ZNF514: variants seen among roughly 807,000 people sequenced by gnomAD.
ZNF514 encodes the protein zinc finger protein 514.
ZNF514 carries 12 observed loss-of-function variants against 9.7 expected under a neutral mutation model. That is an observed-to-expected ratio of 1.24 (90% CI 0.79 to 2.01). The LOEUF (loss-of-function observed/expected upper bound fraction) is 2.01. Among genes scored for constraint, ZNF514 ranks in the 30% most tolerant of loss-of-function variants. The pLI is 0.00. For missense variants in ZNF514, 467 were observed against 465.5 expected, an observed-to-expected ratio of 1.00 and a Z score of -0.03; for synonymous variants, 158 against 163.7, an observed-to-expected ratio of 0.97 and a Z score of 0.27.
At chr2:95,139,003 G>A in the ZNF514 span, among the ~76,000 whole-genome samples, 1 of 152,220 alleles carries the variant, frequency 6.6e-6, no homozygotes, top group Non-Finnish European at 1.5e-5. Context: ...GTTCAAAGGG[G>A]CTCAGGTACA....
intron 2 of ZNF514, among the ~76,000 whole-genome samples, chr2:95,155,959 A>G (rs956038751): frequency 6.6e-6 from 1 of 152,218 alleles, no homozygotes; most frequent in African/African-American, 2.4e-5. Context: ...GGTGTGGAGC[A>G]GAGTCACAGT....
At chr2:95,129,722 T>C in the ZNF514 span, among the ~76,000 whole-genome samples, 4 of 152,122 alleles carry the variant, frequency 2.6e-5, no homozygotes, top group East Asian at 3.9e-4. Flanking sequence ...CCCCCACCCA[T>C]TGCCTGGGAG....
At chr2:95,152,387 G>C (rs1403359245) in intron 4 of ZNF514, among the ~76,000 whole-genome samples, 1 of 151,918 alleles carries the variant, frequency 6.6e-6, no homozygotes, top group African/African-American at 2.4e-5. Context: ...TACGATTGTT[G>C]ATCCATCTAA....
the ZNF514 span, among the ~76,000 whole-genome samples, chr2:95,135,272 A>G: frequency 6.6e-6 from 1 of 151,986 alleles, no homozygotes. Flanking sequence ...TTCTTTCAAC[A>G]GTGTCATGTA....
At chr2:95,153,776 T>C (rs958495120) in intron 2 of ZNF514, 6 of 152,362 alleles carry the variant, frequency 3.9e-5, no homozygotes, top group Non-Finnish European at 8.8e-5. Flanking sequence ...TTATAAAGCA[T>C]AATTATTCTA....
In ZNF514 at chr2:95,146,062, ATGT is replaced by A. The variant is rs1156866731; in HGVS notation, c.*3217_*3219del. 2.0e-5 allele frequency among the ~76,000 whole-genome samples: 3 copies of A among 152,304 alleles called. No individual in the cohort carries two copies. Among genetic ancestry groups the A allele is most frequent in the East Asian group, 3.9e-4 (2 of 5,186 alleles). On this transcript the variant is annotated 3_prime_UTR_variant, in exon 5 of 5. Transcript: ENST00000295208. Reference sequence around the variant, plus strand: ...TTGATTTCTCTCAGGACTTACTGTCATGTTGTTATTGCTACAAAGAGTCTGTTT... The same window carrying A: ...TTGATTTCTCTCAGGACTTACTGTCATGTTATTGCTACAAAGAGTCTGTTT...
chr2:95,124,875 A>T, the ZNF514 span, among the ~76,000 whole-genome samples: 1 of 150,032 alleles, frequency 6.7e-6, no homozygotes, highest in African/African-American at 2.5e-5. Flanking sequence ...GATATTTAGA[A>T]ATTTTATTTT....
rs1264086485 is a variant in ZNF514 at position 95,146,155 on chromosome 2, A to G, written c.*3127T>C. On this transcript the variant is annotated 3_prime_UTR_variant, in exon 5 of 5. Transcript: ENST00000295208. The stretch of plus-strand genomic sequence containing the variant: ...TCAACTGTGCCTACAGGTCACTCAT[A>G]TTTATCTCAGAATAAATCTCTTAAA... Among the ~76,000 whole-genome samples, 1 of 152,314 alleles carries G rather than the reference A, an allele frequency of 6.6e-6. No homozygotes were observed. The highest frequency in any genetic ancestry group is 1.9e-4 in the East Asian group (1 of 5,194).
Position 95,149,109 on chromosome 2 carries a change from G to C in ZNF514, c.*173C>G. The C allele has an allele frequency of 1.3e-6, 1 of 778,274 alleles. No homozygotes were observed. 48.2% of individuals were successfully genotyped at this position (778,274 alleles called of 1,614,324 possible). A position where few individuals can be genotyped will look rare whatever the true frequency, so the allele number is the denominator to read the frequency against. On this transcript the variant is annotated 3_prime_UTR_variant, in exon 5 of 5. Coordinates refer to ENST00000295208, the MANE Select transcript of ZNF514 (RefSeq NM_032788.3). ...TCCCATGTTTGGTAAGAGAGGGGAA[G>C]CCCACCCCCTCTTGACATTGACAGG...
At chr2:95,140,203 A>G (rs906178350), downstream of ZNF514, among the ~76,000 whole-genome samples, 1 of 152,238 alleles carries the variant, frequency 6.6e-6, no homozygotes, top group Non-Finnish European at 1.5e-5. Flanking sequence ...TGATGGGTGC[A>G]GCAAACCAAC....
At chr2:95,153,333 G>T in intron 2 of ZNF514, 74 bp from the exon 3 acceptor site, 3 of 1,484,270 alleles carry the variant, frequency 2.0e-6, no homozygotes, top group Non-Finnish European at 1.8e-6. Context: ...TATAATCAGG[G>T]TCTCAGGTGA....
Position 95,149,550 on chromosome 2 carries a change from C to CTGTATGAGTCCTTTTTCT in ZNF514, c.934_935insAGAAAAAGGACTCATACA (p.Gly312delinsGluLysLysAspSerTyrArg), listed in dbSNP as rs746232726. 6 of 1,613,946 alleles carry CTGTATGAGTCCTTTTTCT rather than the reference C, an allele frequency of 3.7e-6. No individual in the cohort carries two copies. In the African/African-American group the frequency reaches 8.0e-5, roughly 22 times the overall value. ...TTCCCGGCATTCATAGGGCTTTTCT[C>CTGTATGAGTCCTTTTTCT]CAGTATGAGTCCTCTGATGCTTAAT... On this transcript the variant is annotated protein_altering_variant, in exon 5 of 5. Transcript: ENST00000295208.
Position 95,150,024 on chromosome 2 carries a change from T to C in ZNF514, c.461A>G (p.Asn154Ser). ...TAAACCTAAGCTTCTCCCAAATCCATTCCATTTATAATCTCTGCTAAGGGT... is the reference window on the plus strand; with the variant it reads ...TAAACCTAAGCTTCTCCCAAATCCACTCCATTTATAATCTCTGCTAAGGGT... The part of the protein sequence containing the change: ...ATTLSRDYKW[N>S]GFGRSLGLRS... Residue 154 changes from asparagine to serine, a missense_variant, in exon 5 of 5, where the codon AAT (asparagine) becomes AGT (serine). Transcript: ENST00000295208. 1 of 1,614,184 alleles carries C rather than the reference T, an allele frequency of 6.2e-7. No homozygotes were observed. Among genetic ancestry groups the C allele is most frequent in the Non-Finnish European group, 8.5e-7 (1 of 1,180,030 alleles).
chr2:95,153,472 T>C (rs991199052), intron 2 of ZNF514: 1 of 411,034 alleles, frequency 2.4e-6, no homozygotes, highest in Non-Finnish European at 4.2e-6. Context: ...ATGAATATGC[T>C]TTGCATTCTC....
At chr2:95,138,755 G>A in the ZNF514 span, among the ~76,000 whole-genome samples, 2 of 152,266 alleles carry the variant, frequency 1.3e-5, no homozygotes, top group South Asian at 2.1e-4. Context: ...CAAGCAGGAT[G>A]TGGAGCAACT....
chr2:95,138,406 G>A, the ZNF514 span, among the ~76,000 whole-genome samples: 4 of 152,126 alleles, frequency 2.6e-5, no homozygotes, highest in African/African-American at 7.2e-5. Flanking sequence ...TGCTGCCAAG[G>A]TATCAGATAG....
downstream of ZNF514, among the ~76,000 whole-genome samples, chr2:95,142,901 T>C (rs1400582859): frequency 1.3e-5 from 2 of 152,210 alleles, no homozygotes; most frequent in Non-Finnish European, 2.9e-5. Context: ...CTGGCACAAG[T>C]TGTGATGGAC....
chr2:95,134,590 C>T, the ZNF514 span, among the ~76,000 whole-genome samples: 16 of 152,232 alleles, frequency 1.1e-4, no homozygotes, highest in Admixed American at 5.2e-4. Context: ...ATTATTACTG[C>T]GAAAAGAAAC....
At position 95,149,373 on chromosome 2, in the gene ZNF514, G is replaced by C. The variant is rs1227386862; in HGVS notation, c.1112C>G (p.Pro371Arg). The C allele has an allele frequency of 7.4e-6, 12 of 1,613,990 alleles. No homozygotes were observed. The highest frequency in any genetic ancestry group is 1.0e-5 in the Non-Finnish European group (12 of 1,180,018). Residue 371 changes from proline (P) to arginine (R), a missense_variant, in exon 5 of 5, where the codon CCC becomes CGC. Transcript: ENST00000295208. ...CCTTCCACACTCATTACATTTGTAG[G>C]GTTTCTCTCCAGTGTGAAATCTGTA... is the stretch of plus-strand genomic sequence containing the variant. Reference protein sequence around the residue: ...QHYRFHTGEKPYKCNECGRAF... With the variant: ...QHYRFHTGEKRYKCNECGRAF...
Sources: gnomAD v4.1 joint callset for allele counts (sites outside exome capture counted in the v4.1 genomes callset) on GRCh38, gnomAD v4.1.1 for gene constraint, MANE v1.5 for transcripts, NCBI Gene and HGNC (gene_info 2026-07-23, HGNC 2026-07-21) for gene names.